ATG16L2: variants seen among roughly 807,000 people sequenced by gnomAD.
The protein encoded by ATG16L2 is protein Atg16l2.
In ATG16L2, 77 loss-of-function variants were observed where a neutral mutation model predicts 84.7. The ratio of observed to expected loss-of-function variants is 0.91; its 90% CI spans 0.76 to 1.10. The LOEUF (loss-of-function observed/expected upper bound fraction) is 1.10, where lower values mean the gene tolerates loss of function less well. Ranked by LOEUF, ATG16L2 falls within the 50% of genes least tolerant of loss-of-function variation. The pLI is 0.00. For synonymous variants in ATG16L2, 361 were observed against 342.8 expected (o/e 1.05, Z -0.59); for missense variants, 782 against 817.6 (o/e 0.96, Z 0.53).
chr11:72,815,497 C>T (rs1004969238), intron 1 of ATG16L2, among the ~76,000 whole-genome samples: 2 of 151,100 alleles, frequency 1.3e-5, no homozygotes, highest in Non-Finnish European at 3.0e-5. Context: ...GGGGTCACCG[C>T]CCCCCCAACC....
At chr11:72,838,968 TG>T in intron 5 of ATG16L2, 1 of 1,105,068 alleles carries the variant, frequency 9.0e-7, no homozygotes, top group Non-Finnish European at 1.3e-6. Context: ...TCCAAGGACA[TG>T]GGCACCCTAG....
At chr11:72,821,457 C>T in intron 3 of ATG16L2, 1 of 1,388,742 alleles carries the variant, frequency 7.2e-7, no homozygotes, top group South Asian at 1.6e-5. Context: ...GGATTGGGAC[C>T]CAGGGCTGAC....
chr11:72,817,150 G>A (rs528584658), intron 2 of ATG16L2, among the ~76,000 whole-genome samples: 25 of 152,148 alleles, frequency 1.6e-4, no homozygotes, highest in African/African-American at 5.3e-4. Context: ...CTTGCCTGAT[G>A]CCTAAAGAAA....
chr11:72,823,948 G>T (rs1165237747), intron 7 of ATG16L2, 112 bp from the exon 8 acceptor site: 3 of 1,199,846 alleles, frequency 2.5e-6, no homozygotes, highest in Non-Finnish European at 3.7e-6. Context: ...TCTTATCCCA[G>T]ACTTGAGAGG....
chr11:72,826,825 T>A lies in ATG16L2; in HGVS notation c.1366+2T>A. ...AGTGGGACCTCGGCCGTGCCTATTG[T>A]GAGCCCGAGCCCCAGCCCCACCTCT... On this transcript the variant is annotated splice_donor_variant, in intron 13 of 17. Transcript: ENST00000321297. LOFTEE classifies it high-confidence loss of function. The A allele has an allele frequency of 6.2e-7, 1 of 1,612,954 alleles. No homozygotes were observed. The highest frequency in any genetic ancestry group is 8.5e-7 in the Non-Finnish European group (1 of 1,179,714).
At chr11:72,833,904 C>T (rs564088439), downstream of ATG16L2, among the ~76,000 whole-genome samples, 8 of 149,782 alleles carry the variant, frequency 5.3e-5, no homozygotes, top group African/African-American at 1.5e-4. Context: ...GCCTGGGTGA[C>T]GAGCGAAACT....
chr11:72,824,414 G>A (rs1366136394), intron 8 of ATG16L2: 1 of 565,178 alleles, frequency 1.8e-6, no homozygotes, highest in Non-Finnish European at 3.2e-6. Flanking sequence ...TGGGAAAAAT[G>A]CTCTGAAATG....
chr11:72,824,678 C>T (rs1860229634), intron 8 of ATG16L2, 56 bp from the exon 9 acceptor site: 5 of 1,338,146 alleles, frequency 3.7e-6, no homozygotes, highest in Non-Finnish European at 4.3e-6. Flanking sequence ...GCTGGAGGCT[C>T]CCACCTGAGA....
At chr11:72,842,981 A>T in exon 6 of ATG16L2, 1 of 868,506 alleles carries the variant, frequency 1.2e-6, no homozygotes, top group Non-Finnish European at 1.8e-6. Flanking sequence ...TCACTGATGA[A>T]TGATTAACTT....
intron 11 of ATG16L2, 56 bp downstream of exon 11, chr11:72,826,299 G>T: frequency 6.4e-7 from 1 of 1,571,444 alleles, no homozygotes; most frequent in Non-Finnish European, 8.7e-7. Context: ...CTCCACACTG[G>T]GCAGGTGGGG....
In ATG16L2 at chr11:72,822,904, C is replaced by T. The variant is rs910723203; in HGVS notation, c.767C>T (p.Ala256Val). ...GAGAGAAGGGAGACTCTGGCTCTGG[C>T]CCCTGAGCCAGAGCCCCTGGAGAAG... ...MRERRETLAL[A>V]PEPEPLEKEA... Residue 256 changes from alanine to valine, a missense_variant, in exon 7 of 18, where the codon GCC becomes GTC. Ala to Val is a moderately conservative substitution (Grantham distance 64). Coordinates refer to ENST00000321297, the MANE Select transcript of ATG16L2 (RefSeq NM_033388.2). This position sits in a 1 kb window ranked among gnomAD's most constrained non-coding sequence, Gnocchi z 4.2. The T allele has an allele frequency of 8.9e-6, 14 of 1,579,254 alleles. No individual in the cohort carries two copies. Among genetic ancestry groups the T allele is most frequent in the East Asian group, 2.3e-5 (1 of 43,534 alleles).
intron 5 of ATG16L2, chr11:72,837,547 C>T (rs777437660): frequency 6.6e-6 from 1 of 152,008 alleles, no homozygotes; most frequent in South Asian, 2.1e-4. Context: ...CAGGAGCGGA[C>T]AGCAGACAGT....
At chr11:72,829,703 T>G, downstream of ATG16L2, 2 of 1,026,566 alleles carry the variant, frequency 1.9e-6, no homozygotes, top group South Asian at 7.2e-5. Flanking sequence ...CTCTGGAAGA[T>G]CCAGGCTTGG....
chr11:72,827,071 C>T, intron 13 of ATG16L2, 117 bp from the exon 14 acceptor site: 1 of 898,870 alleles, frequency 1.1e-6, no homozygotes, highest in Non-Finnish European at 1.7e-6. Flanking sequence ...AGCGGAAGAC[C>T]TGGGTTCTAG....
intron 1 of ATG16L2, among the ~76,000 whole-genome samples, chr11:72,815,384 C>G (rs1226914225): frequency 6.6e-6 from 1 of 152,212 alleles, no homozygotes; most frequent in African/African-American, 2.4e-5. Flanking sequence ...AGCTTCCAGG[C>G]TGCTGGTCCT....
chr11:72,840,508 AT>A (rs1860889684), intron 5 of ATG16L2, among the ~76,000 whole-genome samples: 1 of 152,184 alleles, frequency 6.6e-6, no homozygotes, highest in African/African-American at 2.4e-5. Context: ...TTAGCTTATT[AT>A]TTCATCTTGG....
At chr11:72,816,608 A>C in intron 1 of ATG16L2, 120 bp from the exon 2 acceptor site, 4 of 771,154 alleles carry the variant, frequency 5.2e-6, no homozygotes, top group Non-Finnish European at 8.7e-6. Context: ...GCCTGCCAGA[A>C]GCTTCCCCAT....
At chr11:72,828,337 T>G in intron 14 of ATG16L2, 22 bp from the exon 15 acceptor site, 1 of 1,613,728 alleles carries the variant, frequency 6.2e-7, no homozygotes, top group Non-Finnish European at 8.5e-7. Flanking sequence ...TCCTCATCCC[T>G]GTCTCTGTCC....
intron 3 of ATG16L2, 30 bp downstream of exon 3, chr11:72,817,885 T>C: frequency 6.3e-7 from 1 of 1,578,870 alleles, no homozygotes; most frequent in Non-Finnish European, 8.6e-7. Context: ...GAAAATGGGG[T>C]AGAGAGATGT....
Sources: allele counts gnomAD v4.1 joint callset (sites outside exome capture counted in the v4.1 genomes callset), GRCh38; gene constraint gnomAD v4.1.1; non-coding constraint Gnocchi (gnomAD v3.1); transcripts MANE v1.5; gene names NCBI Gene and HGNC (gene_info 2026-07-23, HGNC 2026-07-21).